PTPRT: variants seen among roughly 807,000 people sequenced by gnomAD.
The protein encoded by PTPRT is receptor-type tyrosine-protein phosphatase T.
A neutral mutation model predicts 176.8 loss-of-function variants in PTPRT; 56 were observed. The ratio of observed to expected loss-of-function variants is 0.32; its 90% CI spans 0.26 to 0.40. The LOEUF is 0.40. Among genes scored for constraint, PTPRT ranks in the 10% least tolerant of loss-of-function variants. The probability of loss-of-function intolerance (pLI) is 1.00; values close to 1 mark genes in which losing one functional copy is unlikely to be tolerated. For missense variants in PTPRT, 1,540 were observed against 1,908.2 expected (o/e 0.81, Z 3.60); for synonymous variants, 783 against 739.0 (o/e 1.06, Z -0.96).
the PTPRT span, among the ~76,000 whole-genome samples, chr20:42,047,532 C>A: frequency 1.3e-5 from 2 of 152,228 alleles, no homozygotes; most frequent in Non-Finnish European, 2.9e-5. Flanking sequence ...CATGCAGATT[C>A]TCTGTGGATA....
At chr20:43,177,147 G>A (rs945201131) in intron 1 of PTPRT, among the ~76,000 whole-genome samples, 3 of 152,178 alleles carry the variant, frequency 2.0e-5, no homozygotes, top group African/African-American at 7.2e-5. Flanking sequence ...CACCACAATG[G>A]CCACATTTTG....
At chr20:42,513,298 G>A (rs560308356) in intron 7 of PTPRT, among the ~76,000 whole-genome samples, 1 of 150,748 alleles carries the variant, frequency 6.6e-6, no homozygotes, top group South Asian at 2.1e-4. Context: ...AGAAGCCATT[G>A]TTTTTCTTAA....
intron 1 of PTPRT, among the ~76,000 whole-genome samples, chr20:42,990,720 T>C (rs1983861557): frequency 1.3e-5 from 2 of 152,254 alleles, no homozygotes; most frequent in South Asian, 4.1e-4. Context: ...ATGTAGGTAC[T>C]GTCATGGTTT....
Position 42,926,133 on chromosome 20 carries a change from G to T in PTPRT, c.89-40201C>A, listed in dbSNP as rs958588241. The stretch of plus-strand genomic sequence containing the variant: ...CAGCCTGTGGGTCTGACCTGCAGAG[G>T]GCCATATCCCACCTTCAGACCTGTT... On this transcript the variant is annotated intron_variant, in intron 1 of 30. Transcript: ENST00000373187. Among the ~76,000 whole-genome samples the T allele has an allele frequency of 1.7e-4, 26 of 152,186 alleles. 1 individual carries two copies. Among genetic ancestry groups the T allele is most frequent in the Non-Finnish European group, 2.9e-5 (2 of 68,026 alleles).
intron 15 of PTPRT, among the ~76,000 whole-genome samples, chr20:42,220,551 T>A (rs1370587396): frequency 2.4e-5 from 3 of 127,372 alleles, no homozygotes; most frequent in African/African-American, 9.1e-5. Flanking sequence ...TACAAAAAAA[T>A]AAAATAATAA....
intron 1 of PTPRT, among the ~76,000 whole-genome samples, chr20:42,952,775 G>A (rs552232628): frequency 6.6e-6 from 1 of 152,306 alleles, no homozygotes; most frequent in South Asian, 2.1e-4. Flanking sequence ...GGGTTACAAA[G>A]CAGGGGGTCT....
At chr20:42,343,061 G>A (rs6072690) in intron 11 of PTPRT, among the ~76,000 whole-genome samples, 68,167 of 151,844 alleles carry the variant, frequency 0.45, 15,518 homozygotes, top group African/African-American at 0.51. Context: ...CCAGGCTAGA[G>A]TTCCCACACC....
chr20:42,073,050 C>T lies in PTPRT; in HGVS notation c.*7829G>A, dbSNP rs560058229. On this transcript the variant is annotated 3_prime_UTR_variant, in exon 31 of 31. Transcript: ENST00000373187. ...ATTTTGTTTTCTCTTCTCATACGTG[C>T]TTTATCTATCAAACACCCAAACTGT... is the stretch of plus-strand genomic sequence containing the variant. The T allele has an allele frequency of 1.4e-5, 3 of 219,082 alleles. No homozygotes were observed. Among genetic ancestry groups the T allele is most frequent in the African/African-American group, 2.2e-5 (1 of 44,466 alleles). The allele number at this position is 219,082 out of a possible 1,614,324, so 13.6% of individuals were successfully genotyped here. A position where few individuals can be genotyped will look rare whatever the true frequency, so the allele number is the denominator to read the frequency against.
intron 13 of PTPRT, among the ~76,000 whole-genome samples, chr20:42,254,521 G>A (rs1451588592): frequency 6.6e-6 from 1 of 152,200 alleles, no homozygotes; most frequent in African/African-American, 2.4e-5. Context: ...ATTCAGATGA[G>A]ACCTATTTTT....
chr20:42,115,556 A>G (rs1362217585), intron 21 of PTPRT, among the ~76,000 whole-genome samples: 1 of 152,216 alleles, frequency 6.6e-6, no homozygotes. Context: ...TTCTTTTGCA[A>G]AGCTCCTTGT....
intron 2 of PTPRT, among the ~76,000 whole-genome samples, chr20:42,843,569 C>G (rs2078316402): frequency 6.6e-6 from 1 of 152,172 alleles, no homozygotes; most frequent in South Asian, 2.1e-4. Context: ...CTCTGGTGGC[C>G]TGAATTTAGA....
At chr20:42,179,186 A>G (rs575179089) in intron 16 of PTPRT, among the ~76,000 whole-genome samples, 3 of 152,340 alleles carry the variant, frequency 2.0e-5, no homozygotes, top group South Asian at 2.1e-4. Flanking sequence ...ATTTAAATAT[A>G]CACATATGAG....
intron 1 of PTPRT, among the ~76,000 whole-genome samples, chr20:43,006,526 G>A (rs961859475): frequency 2.0e-5 from 3 of 152,070 alleles, no homozygotes; most frequent in Non-Finnish European, 4.4e-5. Flanking sequence ...TTGCTTGTGT[G>A]TTTCACGATC....
chr20:42,483,417 G>T (rs1421842438), intron 7 of PTPRT, among the ~76,000 whole-genome samples: 1 of 152,142 alleles, frequency 6.6e-6, no homozygotes, highest in Non-Finnish European at 1.5e-5. Flanking sequence ...ACCCGCCTTG[G>T]CCTCCCAAAA....
rs73909221 is a variant in PTPRT, at chr20:42,134,244, T to C, written c.2771-5414A>G. ...GCGGCAGGCGATGTGAAGGCGTTTA[T>C]ACGAGGTAATTTACAAGCAGCCTAG... On this transcript the variant is annotated intron_variant, in intron 18 of 30. Coordinates refer to ENST00000373187, the MANE Select transcript of PTPRT (RefSeq NM_007050.6). 4.7e-3 allele frequency among the ~76,000 whole-genome samples: 711 copies of C among 152,346 alleles called. 4 individuals are homozygous for C. The highest frequency in any genetic ancestry group is 0.016 in the African/African-American group (674 of 41,576).
intron 1 of PTPRT, among the ~76,000 whole-genome samples, chr20:43,163,804 T>C (rs2014779595): frequency 6.6e-6 from 1 of 152,220 alleles, no homozygotes; most frequent in South Asian, 2.1e-4. Context: ...CATGTGTGTG[T>C]CTTTGTGTGC....
At chr20:42,933,947 T>C (rs1481379457) in intron 1 of PTPRT, among the ~76,000 whole-genome samples, 1 of 152,210 alleles carries the variant, frequency 6.6e-6, no homozygotes, top group Non-Finnish European at 1.5e-5. Flanking sequence ...CAACATCCTA[T>C]GCAATTTTTC....
chr20:42,240,511 T>C (rs897292887), intron 14 of PTPRT, among the ~76,000 whole-genome samples: 2 of 152,214 alleles, frequency 1.3e-5, no homozygotes, highest in African/African-American at 4.8e-5. Flanking sequence ...AGAACCTTTT[T>C]TCAGCTAGCT....
At chr20:42,091,973 C>G (rs1344317842) in intron 27 of PTPRT, among the ~76,000 whole-genome samples, 1 of 152,144 alleles carries the variant, frequency 6.6e-6, no homozygotes, top group Non-Finnish European at 1.5e-5. Context: ...AACTTACCTA[C>G]AGAAGAGTCT....
Sources: gnomAD v4.1 joint callset for allele counts (sites outside exome capture counted in the v4.1 genomes callset) on GRCh38, gnomAD v4.1.1 for gene constraint, MANE v1.5 for transcripts, NCBI Gene and HGNC (gene_info 2026-07-23, HGNC 2026-07-21) for gene names.